Variants in GPHN observed in about 807,000 individuals in gnomAD.
GPHN encodes gephyrin.
Under a neutral mutation model 95.5 loss-of-function variants are expected in GPHN, and 17 were observed. That is an observed-to-expected ratio of 0.18 (90% CI 0.12 to 0.27). The LOEUF is 0.27. Among genes scored for constraint, GPHN ranks in the 10% least tolerant of loss-of-function variants. The pLI is 1.00. For synonymous variants in GPHN, 320 were observed against 322.5 expected (o/e 0.99, Z 0.08); for missense variants, 660 against 978.1 (o/e 0.67, Z 4.34).
chr14:66,810,673 ATAG>A, intron 3 of GPHN, among the ~76,000 whole-genome samples: 1 of 152,114 alleles, frequency 6.6e-6, no homozygotes, highest in Non-Finnish European at 1.5e-5. Context: ...TGCTTTCATA[ATAG>A]TTTTATAATC....
chr14:66,737,749 A>T (rs1018117132), intron 2 of GPHN, among the ~76,000 whole-genome samples: 4 of 152,148 alleles, frequency 2.6e-5, no homozygotes, highest in African/African-American at 9.7e-5. Flanking sequence ...AGCCTTTATG[A>T]ATTCTTTTAG....
the GPHN span, chr14:67,343,356 A>T: frequency 6.3e-7 from 1 of 1,597,404 alleles, no homozygotes; most frequent in South Asian, 1.1e-5. Flanking sequence ...AGCACCTCAC[A>T]GTACCTAATA....
chr14:67,454,281 T>G, the GPHN span: 2 of 152,276 alleles, frequency 1.3e-5, no homozygotes, highest in East Asian at 3.8e-4. Flanking sequence ...GCTGACATGC[T>G]TGTTCATGCT....
At chr14:67,307,173 CTGAG>C in the GPHN span, among the ~76,000 whole-genome samples, 1 of 152,164 alleles carries the variant, frequency 6.6e-6, no homozygotes, top group Non-Finnish European at 1.5e-5. Flanking sequence ...ATTTCACTTC[CTGAG>C]TAACTGGCAC....
At chr14:66,576,147 T>C (rs772645693) in intron 1 of GPHN, among the ~76,000 whole-genome samples, 1 of 151,970 alleles carries the variant, frequency 6.6e-6, no homozygotes, top group Non-Finnish European at 1.5e-5. Context: ...CTGTGGATGC[T>C]GGCCTGGTGC....
chr14:66,939,824 G>T (rs2067315706), intron 8 of GPHN, among the ~76,000 whole-genome samples: 1 of 152,180 alleles, frequency 6.6e-6, no homozygotes, highest in African/African-American at 2.4e-5. Context: ...TCCTTCAGAG[G>T]CCTATCTAAG....
At chr14:66,548,835 CA>C (rs1566584804) in intron 1 of GPHN, among the ~76,000 whole-genome samples, 1 of 151,982 alleles carries the variant, frequency 6.6e-6, no homozygotes, top group African/African-American at 2.4e-5. Context: ...GTTGTGAATA[CA>C]AAGGAAAAAT....
the GPHN span, chr14:67,473,990 C>T: frequency 4.2e-5 from 63 of 1,488,722 alleles, no homozygotes; most frequent in Non-Finnish European, 5.4e-5. The surrounding 1 kb of genome is among the most constrained non-coding windows in gnomAD (Gnocchi z 6.5). Flanking sequence ...CGGTGGCTCA[C>T]GCCTATAATC....
At chr14:67,129,103 C>T (rs909998238) in intron 17 of GPHN, among the ~76,000 whole-genome samples, 1 of 151,540 alleles carries the variant, frequency 6.6e-6, no homozygotes, top group African/African-American at 2.4e-5. Context: ...TGTGAGCCAT[C>T]GTGCCCAGCC....
chr14:67,496,858 C>T, the GPHN span, among the ~76,000 whole-genome samples: 10 of 151,224 alleles, frequency 6.6e-5, no homozygotes, highest in Non-Finnish European at 1.5e-4. Context: ...GGTACAGTGG[C>T]GCAATCTCAG....
intron 1 of GPHN, among the ~76,000 whole-genome samples, chr14:66,540,184 A>G (rs965980955): frequency 5.9e-5 from 9 of 152,200 alleles, no homozygotes; most frequent in African/African-American, 2.2e-4. Flanking sequence ...TCTGAGATCC[A>G]GGCTAGAGAA....
At chr14:67,717,928 T>A in the GPHN span, 1 of 152,262 alleles carries the variant, frequency 6.6e-6, no homozygotes, top group East Asian at 1.9e-4. Context: ...TAGTGCCTGC[T>A]GTGAATTAAG....
chr14:66,838,271 G>T (rs190336559), intron 4 of GPHN, among the ~76,000 whole-genome samples: 347 of 152,080 alleles, frequency 2.3e-3, no homozygotes, highest in Non-Finnish European at 3.0e-3. Context: ...ATATTTCCTT[G>T]CTATATAAAT....
At chr14:67,194,439 G>A in the GPHN span, among the ~76,000 whole-genome samples, 104 of 150,846 alleles carry the variant, frequency 6.9e-4, 1 homozygote, top group African/African-American at 2.3e-3. Flanking sequence ...TGAGGGGGGC[G>A]TGTGTGTGTG....
chr14:66,991,148 T>C (rs1248275036), intron 9 of GPHN, among the ~76,000 whole-genome samples: 1 of 152,104 alleles, frequency 6.6e-6, no homozygotes, highest in Non-Finnish European at 1.5e-5. Flanking sequence ...ATTAGATTAT[T>C]GATTTTTAAC....
At chr14:67,138,571 G>A (rs2080242591) in intron 17 of GPHN, among the ~76,000 whole-genome samples, 1 of 152,048 alleles carries the variant, frequency 6.6e-6, no homozygotes, top group Non-Finnish European at 1.5e-5. Flanking sequence ...AGAGTCTGGG[G>A]GAAGGAATAT....
chr14:67,398,909 T>C, the GPHN span, among the ~76,000 whole-genome samples: 4 of 152,370 alleles, frequency 2.6e-5, no homozygotes, highest in African/African-American at 7.2e-5. Flanking sequence ...ATTAAATTTC[T>C]GTAAAACATA....
chr14:67,711,613 G>A, the GPHN span, among the ~76,000 whole-genome samples: 12 of 152,108 alleles, frequency 7.9e-5, no homozygotes, highest in Admixed American at 2.0e-4. Flanking sequence ...TGACATATTA[G>A]TCATGCCAAT....
At chr14:67,576,371 C>T in the GPHN span, 24 of 1,402,288 alleles carry the variant, frequency 1.7e-5, no homozygotes, top group Middle Eastern at 3.6e-4. This position sits in a 1 kb window ranked among gnomAD's most constrained non-coding sequence, Gnocchi z 4.0. Flanking sequence ...CGTCCCCATC[C>T]GATGGCTTTC....
Sources: allele counts gnomAD v4.1 joint callset (sites outside exome capture counted in the v4.1 genomes callset), GRCh38; gene constraint gnomAD v4.1.1; non-coding constraint Gnocchi (gnomAD v3.1); transcripts MANE v1.5; gene names NCBI Gene and HGNC (gene_info 2026-07-23, HGNC 2026-07-21).